VAT1L: variants seen among roughly 807,000 people sequenced by gnomAD.
VAT1L encodes putative NADPH-dependent quinone oxidoreductase VAT1L.
VAT1L carries 34 observed loss-of-function variants against 44.1 expected under a neutral mutation model. The observed-to-expected ratio is 0.77, with a 90% CI of 0.59 to 1.03. The LOEUF is 1.03. Ranked by LOEUF, VAT1L falls within the 50% of genes least tolerant of loss-of-function variation. The pLI is 0.00. For synonymous variants in VAT1L, 253 were observed against 202.2 expected, an observed-to-expected ratio of 1.25 and a Z score of -2.13; for missense variants, 615 against 538.8, an observed-to-expected ratio of 1.14 and a Z score of -1.40.
intron 7 of VAT1L, among the ~76,000 whole-genome samples, chr16:77,945,131 G>A (rs920059341): frequency 1.1e-4 from 16 of 152,248 alleles, no homozygotes; most frequent in Admixed American, 5.2e-4. Flanking sequence ...CCATCCAGAA[G>A]CTATCAGACC....
At chr16:77,838,038 G>A (rs2016659465) in intron 3 of VAT1L, among the ~76,000 whole-genome samples, 1 of 152,134 alleles carries the variant, frequency 6.6e-6, no homozygotes, top group South Asian at 2.1e-4. Flanking sequence ...CCTGACAGCC[G>A]CTGCTCCATG....
chr16:77,918,405 A>T (rs1206227020), intron 7 of VAT1L, among the ~76,000 whole-genome samples: 1 of 152,118 alleles, frequency 6.6e-6, no homozygotes, highest in Non-Finnish European at 1.5e-5. Context: ...TCCCCCCAAA[A>T]GTCTCTTGAA....
At chr16:77,920,247 A>G (rs534505736) in intron 7 of VAT1L, among the ~76,000 whole-genome samples, 91 of 152,256 alleles carry the variant, frequency 6.0e-4, no homozygotes, top group African/African-American at 2.1e-3. Context: ...AAGTCTGGCC[A>G]TTGCAAATCT....
Position 77,831,732 on chromosome 16 carries a change from A to G in VAT1L, c.579+6271A>G, listed in dbSNP as rs549721219. Among the ~76,000 whole-genome samples the G allele has an allele frequency of 5.6e-4, 85 of 152,312 alleles. 1 individual carries two copies. Among genetic ancestry groups the G allele is most frequent in the African/African-American group, 1.8e-3 (73 of 41,572 alleles). On this transcript the variant is annotated intron_variant, in intron 3 of 8. Transcript: ENST00000302536. Reference sequence around the variant, plus strand: ...TGGACTGAAAAGGGCCATTAATGGAAAAACTGATGGAATCAGAATAAAGTC... The same window carrying G: ...TGGACTGAAAAGGGCCATTAATGGAGAAACTGATGGAATCAGAATAAAGTC...
At chr16:77,790,838 A>G (rs1165787195) in intron 1 of VAT1L, among the ~76,000 whole-genome samples, 1 of 152,210 alleles carries the variant, frequency 6.6e-6, no homozygotes, top group Non-Finnish European at 1.5e-5. Flanking sequence ...TAACTGCATA[A>G]TTGCTGATAG....
At chr16:77,904,814 A>G (rs2017422587) in intron 7 of VAT1L, among the ~76,000 whole-genome samples, 1 of 151,484 alleles carries the variant, frequency 6.6e-6, no homozygotes. Flanking sequence ...CTTAATCCAT[A>G]TTTTTATGTA....
intron 3 of VAT1L, among the ~76,000 whole-genome samples, chr16:77,850,428 C>T (rs1486077038): frequency 6.6e-6 from 1 of 152,146 alleles, no homozygotes; most frequent in Non-Finnish European, 1.5e-5. Context: ...ACTGATGCTG[C>T]CCCTCTGCCC....
chr16:77,924,082 A>G (rs1354153449), intron 7 of VAT1L, among the ~76,000 whole-genome samples: 1 of 151,680 alleles, frequency 6.6e-6, no homozygotes, highest in Non-Finnish European at 1.5e-5. Context: ...ACATCTCTGA[A>G]CCTCCTTGTC....
intron 7 of VAT1L, among the ~76,000 whole-genome samples, chr16:77,903,024 T>C (rs1308080171): frequency 6.6e-6 from 1 of 150,814 alleles, no homozygotes; most frequent in Non-Finnish European, 1.5e-5. Flanking sequence ...ATAAAAAGAT[T>C]ATACCTTACA....
At chr16:77,848,422 G>GC (rs887624147) in intron 3 of VAT1L, among the ~76,000 whole-genome samples, 1 of 152,048 alleles carries the variant, frequency 6.6e-6, no homozygotes, top group Non-Finnish European at 1.5e-5. Flanking sequence ...CTCTGTCTTG[G>GC]CCCCCCATGT....
intron 2 of VAT1L, 28 bp from the exon 3 acceptor site, chr16:77,825,218 C>T (rs1597053091): frequency 6.2e-7 from 1 of 1,611,636 alleles, no homozygotes; most frequent in Non-Finnish European, 8.5e-7. Context: ...AGGTAGCCTC[C>T]ACTAACTCTG....
At chr16:77,807,601 G>C (rs2016185115) in intron 1 of VAT1L, among the ~76,000 whole-genome samples, 1 of 152,102 alleles carries the variant, frequency 6.6e-6, no homozygotes, top group African/African-American at 2.4e-5. Flanking sequence ...CAGACCTCTT[G>C]CTGCAAATCT....
chr16:77,964,653 G>T (rs188557097), intron 7 of VAT1L, among the ~76,000 whole-genome samples: 2 of 152,168 alleles, frequency 1.3e-5, no homozygotes, highest in African/African-American at 4.8e-5. Context: ...TTAGGGAATG[G>T]ATGGGTTGGG....
At chr16:77,817,188 A>G in intron 2 of VAT1L, 138 bp downstream of exon 2, 2 of 1,329,914 alleles carry the variant, frequency 1.5e-6, no homozygotes, top group Non-Finnish European at 2.0e-6. Flanking sequence ...ACTGTTGACA[A>G]TGTTTATAGT....
chr16:77,814,318 G>A (rs773353116), intron 1 of VAT1L, among the ~76,000 whole-genome samples: 8 of 152,244 alleles, frequency 5.3e-5, no homozygotes, highest in East Asian at 3.9e-4. Context: ...CCTAGTCTCC[G>A]TCTCCAAAAT....
intron 3 of VAT1L, among the ~76,000 whole-genome samples, chr16:77,858,233 T>C (rs1202476311): frequency 6.6e-6 from 1 of 151,850 alleles, no homozygotes; most frequent in Non-Finnish European, 1.5e-5. Flanking sequence ...CAACTCTATC[T>C]GGGATGCTGG....
chr16:77,835,479 G>A (rs1487095624), intron 3 of VAT1L, among the ~76,000 whole-genome samples: 1 of 152,114 alleles, frequency 6.6e-6, no homozygotes, highest in Non-Finnish European at 1.5e-5. Flanking sequence ...TTCCTTCAAG[G>A]CCCCAACTAG....
rs1228218158 is a variant in VAT1L at position 77,879,870 on chromosome 16, C to T, written c.882+646C>T. 6.6e-6 allele frequency among the ~76,000 whole-genome samples: 1 copy of T among 152,190 alleles called. No homozygotes were observed. The highest frequency in any genetic ancestry group is 2.4e-5 in the African/African-American group (1 of 41,448). ...TTGCTCCATAGAGCGGCCAGCCTTTCACTTTGCTACTTTCTGACCAGGTCT... is the reference window on the plus strand; with the variant it reads ...TTGCTCCATAGAGCGGCCAGCCTTTTACTTTGCTACTTTCTGACCAGGTCT... On this transcript the variant is annotated intron_variant, in intron 6 of 8. Coordinates refer to ENST00000302536, the MANE Select transcript of VAT1L (RefSeq NM_020927.3). The surrounding 1 kb of genome is among the most constrained non-coding windows in gnomAD (Gnocchi z 4.1).
At chr16:77,962,387 C>T (rs986152580) in intron 7 of VAT1L, among the ~76,000 whole-genome samples, 1 of 151,974 alleles carries the variant, frequency 6.6e-6, no homozygotes, top group Non-Finnish European at 1.5e-5. Context: ...TGGCTTCAAC[C>T]AAAGGGAGCC....
Sources: allele counts gnomAD v4.1 joint callset (sites outside exome capture counted in the v4.1 genomes callset), GRCh38; gene constraint gnomAD v4.1.1; non-coding constraint Gnocchi (gnomAD v3.1); transcripts MANE v1.5; gene names NCBI Gene and HGNC (gene_info 2026-07-23, HGNC 2026-07-21).